CACNA1H: variants seen among roughly 807,000 people sequenced by gnomAD.
The protein encoded by CACNA1H is voltage-dependent T-type calcium channel subunit alpha-1H.
Under a neutral mutation model 192.5 loss-of-function variants are expected in CACNA1H, and 149 were observed. The ratio of observed to expected loss-of-function variants is 0.77; its 90% CI spans 0.68 to 0.89. The LOEUF is 0.89. Ranked by LOEUF, CACNA1H falls within the 40% of genes least tolerant of loss-of-function variation. The pLI, the probability that CACNA1H is intolerant of heterozygous loss-of-function variation, is 0.00. For synonymous variants in CACNA1H, 2,202 were observed against 1,475.2 expected (o/e 1.49, Z -11.29); for missense variants, 4,257 against 3,423.5 (o/e 1.24, Z -6.08).
chr16:1,198,815 C>G, intron 6 of CACNA1H, 41 bp downstream of exon 6: 1 of 1,570,368 alleles, frequency 6.4e-7, no homozygotes, highest in South Asian at 1.1e-5. Context: ...GCCCAGATGG[C>G]CCTGCCCACC....
intron 33 of CACNA1H, 99 bp downstream of exon 33, chr16:1,218,750 G>A: frequency 1.6e-6 from 2 of 1,275,470 alleles, no homozygotes; most frequent in Non-Finnish European, 2.2e-6. Flanking sequence ...CCAGAGCAGG[G>A]CAAGAGGAAG....
intron 5 of CACNA1H, among the ~76,000 whole-genome samples, chr16:1,197,643 G>T (rs1292757432): frequency 6.6e-6 from 1 of 152,240 alleles, no homozygotes; most frequent in Non-Finnish European, 1.5e-5. Flanking sequence ...GGTCTGGCCA[G>T]GGCAGTGCTC....
intron 12 of CACNA1H, chr16:1,206,678 G>T: frequency 2.3e-6 from 1 of 435,820 alleles, no homozygotes; most frequent in Non-Finnish European, 4.2e-6. Context: ...GGCAGGCCGG[G>T]CTTTCACAGT....
rs187008743 is a variant in CACNA1H, at chr16:1,161,569, G to T, written c.299+7533G>T. Among the ~76,000 whole-genome samples the T allele has an allele frequency of 1.8e-3, 274 of 152,314 alleles. 2 individuals carry two copies. Among genetic ancestry groups the T allele is most frequent in the African/African-American group, 6.3e-3 (264 of 41,578 alleles). ...CTGGGGTCTCCATGGCCACAGGAGG[G>T]GGGCTAGCGACCCCTGCCAGCCTGG... On this transcript the variant is annotated intron_variant, in intron 2 of 34. Transcript: ENST00000348261.
In CACNA1H at chr16:1,204,265, G is replaced by T. The variant is rs767816214; in HGVS notation, c.2258G>T (p.Gly753Val). 1 of 1,608,604 alleles carries T rather than the reference G, an allele frequency of 6.2e-7. No individual in the cohort carries two copies. The highest frequency in any genetic ancestry group is 1.1e-5 in the South Asian group (1 of 90,606). Residue 753 changes from glycine (G) to valine (V), a missense_variant, in exon 10 of 35, where the codon GGC becomes GTC. Transcript: ENST00000348261. ...TRPPRATDTP[G>V]PGPGSPQRRA... ...CCACCCCGTGCGACGGACACACCAG[G>T]CCCAGGCCCAGGCAGCCCCCAGCGG...
At position 1,166,684 on chromosome 16, in the gene CACNA1H, G is replaced by A. The variant is rs1233169055; in HGVS notation, c.299+12648G>A. 2.0e-5 allele frequency among the ~76,000 whole-genome samples: 3 copies of A among 152,096 alleles called. No individual in the cohort carries two copies. In the South Asian group the frequency reaches 6.2e-4, roughly 32 times the overall value. ...TGTTCTGGACGTTCCCTGTATATGG[G>A]ATCCCACGTGGTGTGGACTCCTGCA... On this transcript the variant is annotated intron_variant, in intron 2 of 34. Coordinates refer to ENST00000348261, the MANE Select transcript of CACNA1H (RefSeq NM_021098.3).
chr16:1,162,643 G>C (rs1050297441), intron 2 of CACNA1H, among the ~76,000 whole-genome samples: 10 of 151,816 alleles, frequency 6.6e-5, no homozygotes, highest in Non-Finnish European at 1.2e-4. Context: ...CTGGAGTGGG[G>C]GGGGGGGGTC....
At chr16:1,209,935 GA>G in intron 17 of CACNA1H, 99 bp from the exon 18 acceptor site, 1 of 843,926 alleles carries the variant, frequency 1.2e-6, no homozygotes, top group Non-Finnish European at 1.9e-6. Flanking sequence ...AGAAGGCTGA[GA>G]AGGTGCTGGG....
At chr16:1,206,625 G>T (rs1256626038) in intron 12 of CACNA1H, 3 of 430,562 alleles carry the variant, frequency 7.0e-6, no homozygotes, top group East Asian at 4.4e-5. Context: ...TGCCCGTCTA[G>T]CCTGGAGCTC....
chr16:1,161,861 T>C (rs1963235860), intron 2 of CACNA1H, among the ~76,000 whole-genome samples: 1 of 146,452 alleles, frequency 6.8e-6, no homozygotes, highest in South Asian at 2.1e-4. Flanking sequence ...AGCCTGCCTG[T>C]GGGGTGGGTC....
Position 1,206,089 on chromosome 16 carries a change from C to T in CACNA1H, c.2604-15C>T, listed in dbSNP as rs1346438975. On this transcript the variant is annotated splice_polypyrimidine_tract_variant and intron_variant, in intron 11 of 34. Transcript: ENST00000348261. ...GATCGTGGCCCCGCTGACCCTCGCC[C>T]CCACCTGTCCGCAGCGTCTGGGAGA... is the stretch of plus-strand genomic sequence containing the variant. 9.6e-6 allele frequency: 15 copies of T among 1,556,120 alleles called. No homozygotes were observed. Among genetic ancestry groups the T allele is most frequent in the Non-Finnish European group, 1.1e-5 (13 of 1,153,810 alleles).
chr16:1,178,247 C>T (rs1965110329), intron 2 of CACNA1H, among the ~76,000 whole-genome samples: 1 of 145,086 alleles, frequency 6.9e-6, no homozygotes. Flanking sequence ...CTCTCCTGCC[C>T]CGGCTCCTTG....
chr16:1,204,476 C>T lies in CACNA1H; in HGVS notation c.2451+18C>T, dbSNP rs539605306. 9 of 1,514,120 alleles carry T rather than the reference C, an allele frequency of 5.9e-6. No individual in the cohort carries two copies. In the Admixed American group the frequency reaches 1.3e-4, roughly 22 times the overall value. 93.8% of individuals were successfully genotyped at this position (1,514,120 alleles called of 1,614,324 possible). ...ATGAGCAGGTGCGGGCTGGCCTGGC[C>T]ACGGGGTGGGCTCCCTGTCAGGCTT... On this transcript the variant is annotated intron_variant, in intron 10 of 34. Coordinates refer to ENST00000348261, the MANE Select transcript of CACNA1H (RefSeq NM_021098.3).
At chr16:1,187,839 C>T (rs756352694) in intron 2 of CACNA1H, among the ~76,000 whole-genome samples, 98 of 152,208 alleles carry the variant, frequency 6.4e-4, no homozygotes, top group Admixed American at 2.0e-4. Context: ...CCTTAACTAT[C>T]TCTTGAGGAG....
chr16:1,199,343 TGCGG>T (rs1967459483), intron 6 of CACNA1H, among the ~76,000 whole-genome samples: 2 of 35,550 alleles, frequency 5.6e-5, no homozygotes, highest in East Asian at 2.2e-3. Flanking sequence ...CCGCCCACCG[TGCGG>T]TCGCTGCACA....
At position 1,194,979 on chromosome 16, in the gene CACNA1H, G is replaced by T. The variant is rs970648879; in HGVS notation, c.307G>T (p.Glu103Ter). 2 of 1,611,256 alleles carry T rather than the reference G, an allele frequency of 1.2e-6. No homozygotes were observed. Among genetic ancestry groups the T allele is most frequent in the Non-Finnish European group, 1.7e-6 (2 of 1,178,694 alleles). Residue 103 changes from glutamate (E) to a stop codon, truncating the protein, a stop_gained, in exon 3 of 35, where the codon GAG (glutamate) becomes TAG (stop). Coordinates refer to ENST00000348261, the MANE Select transcript of CACNA1H (RefSeq NM_021098.3). LOFTEE classifies it high-confidence loss of function. ...CLRLVCNPWF[E>*]HVSMLVIMLN... ...CTTAACCCGCGGCGACACATGGTTC[G>T]AGCACGTGAGCATGCTGGTAATCAT...
At chr16:1,158,774 CCA>C (rs979031973) in intron 2 of CACNA1H, among the ~76,000 whole-genome samples, 2 of 152,034 alleles carry the variant, frequency 1.3e-5, no homozygotes, top group Non-Finnish European at 2.9e-5. Context: ...AGCTCTAGTT[CCA>C]CAACCGCTCC....
intron 2 of CACNA1H, among the ~76,000 whole-genome samples, chr16:1,168,120 G>A (rs1301415179): frequency 6.6e-6 from 1 of 152,126 alleles, no homozygotes; most frequent in African/African-American, 2.4e-5. Flanking sequence ...GAATTCCCCT[G>A]GGGCACGGTG....
At chr16:1,199,640 C>A (rs1036883888) in intron 6 of CACNA1H, among the ~76,000 whole-genome samples, 4 of 150,692 alleles carry the variant, frequency 2.7e-5, no homozygotes, top group Middle Eastern at 3.4e-3. Context: ...AGTCTCTCCT[C>A]AGCCCTCACC....
Sources: gnomAD v4.1 joint callset for allele counts (sites outside exome capture counted in the v4.1 genomes callset) on GRCh38, gnomAD v4.1.1 for gene constraint, MANE v1.5 for transcripts, NCBI Gene and HGNC (gene_info 2026-07-23, HGNC 2026-07-21) for gene names.